HTR1F: variants seen among roughly 807,000 people sequenced by gnomAD.
The protein encoded by HTR1F is 5-hydroxytryptamine (serotonin) receptor 1F, G protein-coupled.
Under a neutral mutation model 24.0 loss-of-function variants are expected in HTR1F, and 17 were observed. The ratio of observed to expected loss-of-function variants is 0.71; its 90% CI spans 0.48 to 1.06. HTR1F has a LOEUF of 1.06. Ranked by LOEUF, HTR1F falls within the 50% of genes least tolerant of loss-of-function variation. The pLI, the probability that HTR1F is intolerant of heterozygous loss-of-function variation, is 0.00. For missense variants in HTR1F, 391 were observed against 427.8 expected (o/e 0.91, Z 0.76); for synonymous variants, 186 against 156.8 (o/e 1.19, Z -1.39).
chr3:87,890,882 C>T (rs1196835433), intron 2 of HTR1F, among the ~76,000 whole-genome samples: 3 of 148,550 alleles, frequency 2.0e-5, no homozygotes, highest in Admixed American at 6.7e-5. Flanking sequence ...TGCTCTGTTG[C>T]CCAGGCTGGA....
chr3:87,885,249 G>C lies in HTR1F; in HGVS notation c.-43+63125G>C, dbSNP rs568800349. Among the ~76,000 whole-genome samples, 24 of 152,138 alleles carry C rather than the reference G, an allele frequency of 1.6e-4. No individual in the cohort carries two copies. The East Asian group carries it at 3.5e-3, about 22-fold the overall frequency. On this transcript the variant is annotated intron_variant, in intron 2 of 2. Transcript: ENST00000319595. The stretch of plus-strand genomic sequence containing the variant: ...CCTGCTCTTGAATGACTACTGGGTA[G>C]ATAACGAAATGAAGGCAGAGATAAA...
intron 2 of HTR1F, among the ~76,000 whole-genome samples, chr3:87,951,938 A>G (rs2107463116): frequency 6.6e-6 from 1 of 152,020 alleles, no homozygotes; most frequent in East Asian, 1.9e-4. Flanking sequence ...GTATTTTTGG[A>G]TTGGCTTCTT....
intron 2 of HTR1F, among the ~76,000 whole-genome samples, chr3:87,843,900 G>C (rs1327178618): frequency 9.9e-5 from 15 of 151,628 alleles, no homozygotes; most frequent in Non-Finnish European, 1.8e-4. Flanking sequence ...GTGTATATGC[G>C]CCACATTTTC....
intron 2 of HTR1F, among the ~76,000 whole-genome samples, chr3:87,864,552 G>A (rs1242301466): frequency 6.6e-6 from 1 of 152,070 alleles, no homozygotes; most frequent in Non-Finnish European, 1.5e-5. Context: ...TATTCTACTG[G>A]AGTTTTAGCT....
intron 2 of HTR1F, among the ~76,000 whole-genome samples, chr3:87,899,549 C>A (rs550447314): frequency 3.3e-5 from 5 of 152,134 alleles, no homozygotes; most frequent in Admixed American, 1.3e-4. Flanking sequence ...TTTTAAATAG[C>A]CTAATATAAT....
intron 2 of HTR1F, among the ~76,000 whole-genome samples, chr3:87,985,717 A>G (rs1179436479): frequency 6.6e-6 from 1 of 152,236 alleles, no homozygotes; most frequent in Non-Finnish European, 1.5e-5. Context: ...TTACTTCACA[A>G]TGTTATTATA....
chr3:87,872,574 A>T (rs1705581918), intron 2 of HTR1F, among the ~76,000 whole-genome samples: 1 of 152,024 alleles, frequency 6.6e-6, no homozygotes, highest in African/African-American at 2.4e-5. Context: ...AATAATAAAA[A>T]TAAAATACAA....
At chr3:87,962,280 TAA>T (rs1393421102) in intron 2 of HTR1F, among the ~76,000 whole-genome samples, 8 of 152,216 alleles carry the variant, frequency 5.3e-5, no homozygotes, top group African/African-American at 1.9e-4. Context: ...AAGCAAATCT[TAA>T]TTAAATTTTG....
intron 2 of HTR1F, among the ~76,000 whole-genome samples, chr3:87,903,374 C>T (rs1706377200): frequency 6.6e-6 from 1 of 151,928 alleles, no homozygotes; most frequent in Non-Finnish European, 1.5e-5. Context: ...GCAACCTACT[C>T]ATCTGACAAA....
chr3:87,858,472 T>C (rs62267042), intron 2 of HTR1F, among the ~76,000 whole-genome samples: 8,508 of 152,250 alleles, frequency 0.056, 320 homozygotes, highest in Non-Finnish European at 0.088. Context: ...TTCACCTTTT[T>C]CCTATCCATG....
chr3:87,853,957 A>G (rs1409956657), intron 2 of HTR1F, among the ~76,000 whole-genome samples: 2 of 152,012 alleles, frequency 1.3e-5, no homozygotes, highest in Non-Finnish European at 2.9e-5. Flanking sequence ...TAGATGCTGG[A>G]TATTAGACCT....
intron 2 of HTR1F, among the ~76,000 whole-genome samples, chr3:87,928,869 G>T (rs1704191646): frequency 6.6e-6 from 1 of 152,144 alleles, no homozygotes; most frequent in South Asian, 2.1e-4. Flanking sequence ...CAGTTCCAGT[G>T]TAATCCAGGT....
At chr3:87,828,252 G>T (rs1240292916) in intron 2 of HTR1F, among the ~76,000 whole-genome samples, 2 of 152,140 alleles carry the variant, frequency 1.3e-5, no homozygotes, top group Non-Finnish European at 2.9e-5. Context: ...ACAAAATGAG[G>T]AACTTATATT....
chr3:87,843,044 C>T (rs1402767679), intron 2 of HTR1F, among the ~76,000 whole-genome samples: 4 of 151,796 alleles, frequency 2.6e-5, no homozygotes, highest in Admixed American at 6.6e-5. Flanking sequence ...CATGCAAAGT[C>T]CATTTTTCAA....
At chr3:87,971,228 T>C (rs1231272710) in intron 2 of HTR1F, among the ~76,000 whole-genome samples, 3 of 152,214 alleles carry the variant, frequency 2.0e-5, no homozygotes, top group Admixed American at 1.3e-4. Context: ...TCAACTGAAG[T>C]ATTCAATAAA....
intron 2 of HTR1F, among the ~76,000 whole-genome samples, chr3:87,915,870 C>T (rs951294945): frequency 6.6e-6 from 1 of 152,086 alleles, no homozygotes; most frequent in African/African-American, 2.4e-5. Context: ...CTGGAAAACT[C>T]ATCGCAAAAA....
chr3:87,857,488 A>T (rs1162441790), intron 2 of HTR1F, among the ~76,000 whole-genome samples: 1 of 152,186 alleles, frequency 6.6e-6, no homozygotes, highest in Non-Finnish European at 1.5e-5. Context: ...TAATAAATAG[A>T]CCCAAAATAG....
At chr3:87,901,783 T>C (rs1211523814) in intron 2 of HTR1F, among the ~76,000 whole-genome samples, 1 of 152,146 alleles carries the variant, frequency 6.6e-6, no homozygotes, top group African/African-American at 2.4e-5. Context: ...TAGTTTCCTC[T>C]ATCATCTGTT....
intron 1 of HTR1F, among the ~76,000 whole-genome samples, chr3:87,811,572 CA>C (rs1704161402): frequency 6.6e-6 from 1 of 151,786 alleles, no homozygotes; most frequent in Admixed American, 6.6e-5. Flanking sequence ...TTAAAGATTC[CA>C]AATGAAAGTG....
Sources: allele counts gnomAD v4.1 joint callset (sites outside exome capture counted in the v4.1 genomes callset), GRCh38; gene constraint gnomAD v4.1.1; transcripts MANE v1.5; gene names NCBI Gene and HGNC (gene_info 2026-07-23, HGNC 2026-07-21).